CD1C: variants seen among roughly 807,000 people sequenced by gnomAD.
The protein encoded by CD1C is CD1c molecule.
In CD1C, 47 loss-of-function variants were observed where a neutral mutation model predicts 39.4. That is an observed-to-expected ratio of 1.19 (90% confidence interval 0.94 to 1.52). The LOEUF (loss-of-function observed/expected upper bound fraction) is 1.52. Ranked by LOEUF, CD1C falls within the 40% of genes most tolerant of loss-of-function variation. The pLI is 0.00. For missense variants in CD1C, 417 were observed against 395.2 expected, an observed-to-expected ratio of 1.06 and a Z score of -0.47; for synonymous variants, 165 against 150.8, an observed-to-expected ratio of 1.09 and a Z score of -0.69.
rs755422244 is a variant in CD1C, at chr1:158,293,542, G to C, written c.*66G>C. ...CAACCCAGGAGCCTAGTACAATATAGTGATGCCATCCCGTCGACTCTCCAT... is the reference window on the plus strand; with the variant it reads ...CAACCCAGGAGCCTAGTACAATATACTGATGCCATCCCGTCGACTCTCCAT... On this transcript the variant is annotated 3_prime_UTR_variant, in exon 6 of 6. Coordinates refer to ENST00000368170, the MANE Select transcript of CD1C (RefSeq NM_001765.3). The C allele has an allele frequency of 6.2e-7, 1 of 1,613,874 alleles. No homozygotes were observed. Among genetic ancestry groups the C allele is most frequent in the Admixed American group, 1.7e-5 (1 of 59,992 alleles).
In CD1C at chr1:158,292,588, C is replaced by T. The variant is rs140255811; in HGVS notation, c.611-8C>T. 1 of 1,610,820 alleles carries T rather than the reference C, an allele frequency of 6.2e-7. No homozygotes were observed. Among genetic ancestry groups the T allele is most frequent in the East Asian group, 2.2e-5 (1 of 44,878 alleles). Reference sequence around the variant, plus strand: ...TCTTCATCAGAACACTTTTTCTGCTCTCTGCAGTGAGGCCAGAAGCCTGGC... The same window carrying T: ...TCTTCATCAGAACACTTTTTCTGCTTTCTGCAGTGAGGCCAGAAGCCTGGC... On this transcript the variant is annotated splice_region_variant and splice_polypyrimidine_tract_variant and intron_variant, in intron 3 of 5. Coordinates refer to ENST00000368170, the MANE Select transcript of CD1C (RefSeq NM_001765.3).
In CD1C at chr1:158,294,092, C is replaced by T. The variant is rs1361104097; in HGVS notation, c.*616C>T. ...AAGTGCAGCCTTGTGCCTTGATACA[C>T]TTATTTTCTAAACACAGAGAATTAC... On this transcript the variant is annotated 3_prime_UTR_variant, in exon 6 of 6. Coordinates refer to ENST00000368170, the MANE Select transcript of CD1C (RefSeq NM_001765.3). Among the ~76,000 whole-genome samples, 1 of 152,200 alleles carries T rather than the reference C, an allele frequency of 6.6e-6. No individual in the cohort carries two copies. Among genetic ancestry groups the T allele is most frequent in the Admixed American group, 6.5e-5 (1 of 15,282 alleles).
chr1:158,292,678 C>T lies in CD1C; in HGVS notation c.693C>T (p.Tyr231=), dbSNP rs147876610. 1.6e-5 allele frequency: 26 copies of T among 1,613,982 alleles called. No individual in the cohort carries two copies. The highest frequency in any genetic ancestry group is 2.2e-5 in the South Asian group (2 of 91,068). The stretch of plus-strand genomic sequence containing the variant: ...TGGTTTGTCATGCCTCCGGCTTCTA[C>T]CCAAAGCCTGTTTGGGTGACATGGA... ...LLLVCHASGF[Y]PKPVWVTWMR... is the part of the protein sequence containing the mutation. The change falls in exon 4 of 6, where the codon TAC becomes TAT. Residue 231 remains tyrosine (Y), a synonymous_variant. Transcript: ENST00000368170.
rs1651120652 is a variant in CD1C at position 158,293,320 on chromosome 1, C to T, written c.980+18C>T. ...AAGCACTGGTGAGTTTTTTGTATTTCCTCCTCTCCTCCCAGTTTCTTATTT... is the reference window on the plus strand; with the variant it reads ...AAGCACTGGTGAGTTTTTTGTATTTTCTCCTCTCCTCCCAGTTTCTTATTT... On this transcript the variant is annotated intron_variant, in intron 5 of 5. Transcript: ENST00000368170. The T allele has an allele frequency of 1.3e-6, 2 of 1,595,416 alleles. No individual in the cohort carries two copies. The highest frequency in any genetic ancestry group is 3.4e-5 in the Admixed American group (2 of 59,262).
In CD1C at chr1:158,294,461, T is replaced by C. The variant is rs1470962914; in HGVS notation, c.*985T>C. Among the ~76,000 whole-genome samples the C allele has an allele frequency of 1.3e-5, 2 of 152,232 alleles. No homozygotes were observed. The highest frequency in any genetic ancestry group is 1.5e-5 in the Non-Finnish European group (1 of 68,032). On this transcript the variant is annotated 3_prime_UTR_variant, in exon 6 of 6. Coordinates refer to ENST00000368170, the MANE Select transcript of CD1C (RefSeq NM_001765.3). ...TTGCAATGTTTGCTTCCTCAATCTG[T>C]CCATGTTTCTTTTCTATTGTTTTCA...
chr1:158,291,445 A>G, intron 2 of CD1C, 45 bp downstream of exon 2: 1 of 1,588,212 alleles, frequency 6.3e-7, no homozygotes, highest in African/African-American at 1.3e-5. Context: ...AGAATGTTCT[A>G]TTTCAGGGAA....
At position 158,294,587 on chromosome 1, in the gene CD1C, TTATA is replaced by T. The variant is rs1651165981; in HGVS notation, c.*1114_*1117del. Among the ~76,000 whole-genome samples the T allele has an allele frequency of 6.6e-6, 1 of 152,216 alleles. No individual in the cohort carries two copies. On this transcript the variant is annotated 3_prime_UTR_variant, in exon 6 of 6. Transcript: ENST00000368170. ...TGTACAGTTCTATTTATTTTGATAA[TTATA>T]TAAGCCCATGTAAACAAAATCACAA...
In CD1C at chr1:158,294,488, G is replaced by C. The variant is rs929054060; in HGVS notation, c.*1012G>C. 1.1e-3 allele frequency among the ~76,000 whole-genome samples: 168 copies of C among 152,168 alleles called. 1 individual carries two copies. The highest frequency in any genetic ancestry group is 3.9e-3 in the African/African-American group (163 of 41,536). On this transcript the variant is annotated 3_prime_UTR_variant, in exon 6 of 6. Coordinates refer to ENST00000368170, the MANE Select transcript of CD1C (RefSeq NM_001765.3). ...CATGTTTCTTTTCTATTGTTTTCATGTTTTTATTTATTTCAAAAAATTTTA... is the reference window on the plus strand; with the variant it reads ...CATGTTTCTTTTCTATTGTTTTCATCTTTTTATTTATTTCAAAAAATTTTA...
chr1:158,290,217 C>T, intron 1 of CD1C, 92 bp downstream of exon 1: 1 of 1,160,184 alleles, frequency 8.6e-7, no homozygotes, highest in Non-Finnish European at 1.3e-6. Context: ...TGCCAGAATG[C>T]TTGCCATCTG....
intron 1 of CD1C, among the ~76,000 whole-genome samples, chr1:158,290,690 T>G (rs886766527): frequency 3.3e-5 from 5 of 152,216 alleles, no homozygotes; most frequent in African/African-American, 1.2e-4. Context: ...GAAGTCAGAA[T>G]ATAGATGTAG....
At position 158,289,978 on chromosome 1, in the gene CD1C, T is replaced by G; in HGVS notation, c.-87T>G. On this transcript the variant is annotated 5_prime_UTR_variant, in exon 1 of 6. Transcript: ENST00000368170. Reference sequence around the variant, plus strand: ...GGGGAAGATTGTTGGTAGAAGGAAGTCAGAATATAGGTACAGAGGGATAAG... The same window carrying G: ...GGGGAAGATTGTTGGTAGAAGGAAGGCAGAATATAGGTACAGAGGGATAAG... 8.2e-7 allele frequency: 1 copy of G among 1,213,110 alleles called. No individual in the cohort carries two copies. The highest frequency in any genetic ancestry group is 1.8e-5 in the Admixed American group (1 of 55,416). The allele number at this position is 1,213,110 out of a possible 1,614,324, so 75.1% of individuals were successfully genotyped here.
In CD1C at chr1:158,292,881, CTG is replaced by C. The variant is rs1355769973; in HGVS notation, c.889+8_889+9del. On this transcript the variant is annotated splice_region_variant and intron_variant, in intron 4 of 5. Coordinates refer to ENST00000368170, the MANE Select transcript of CD1C (RefSeq NM_001765.3). ...GACATCATCCTCTACTGGGGTAAGA[CTG>C]GAGGTTGGAAGTGTAGGTAGGTGGT... 3.1e-6 allele frequency: 5 copies of C among 1,613,020 alleles called. No homozygotes were observed. The Admixed American group carries it at 8.3e-5, about 27-fold the overall frequency.
chr1:158,293,647 T>G lies in CD1C; in HGVS notation c.*171T>G. The G allele has an allele frequency of 6.6e-7, 1 of 1,506,208 alleles. No homozygotes were observed. 93.3% of individuals were successfully genotyped at this position (1,506,208 alleles called of 1,614,324 possible). A position where few individuals can be genotyped will look rare whatever the true frequency, so the allele number is the denominator to read the frequency against. On this transcript the variant is annotated 3_prime_UTR_variant, in exon 6 of 6. Coordinates refer to ENST00000368170, the MANE Select transcript of CD1C (RefSeq NM_001765.3). Reference sequence around the variant, plus strand: ...AATTTGGAATGTTTTTCTTGGAATCTCCACTTTTTATATAGCACTCAACCT... The same window carrying G: ...AATTTGGAATGTTTTTCTTGGAATCGCCACTTTTTATATAGCACTCAACCT...
rs768148459 is a variant in CD1C at position 158,292,771 on chromosome 1, G to C, written c.786G>C (p.Trp262Cys). 4 of 1,614,184 alleles carry C rather than the reference G, an allele frequency of 2.5e-6. No homozygotes were observed. In the South Asian group the frequency reaches 4.4e-5, roughly 18 times the overall value. ...GDILPNADGT[W>C]YLQVILEVAS... ...TTCTTCCTAATGCTGATGGGACATG[G>C]TATCTTCAGGTGATCCTGGAGGTGG... The change falls in exon 4 of 6, where the codon TGG (tryptophan) becomes TGC (cysteine). Residue 262 changes from tryptophan to cysteine, a missense_variant. Trp to Cys is a radical substitution (Grantham distance 215). Transcript: ENST00000368170.
At chr1:158,290,584 GA>G (rs1650998177) in intron 1 of CD1C, among the ~76,000 whole-genome samples, 1 of 152,140 alleles carries the variant, frequency 6.6e-6, no homozygotes, top group Non-Finnish European at 1.5e-5. Flanking sequence ...AGCAGATGGG[GA>G]AATGAGAGAT....
rs966441052 is a variant in CD1C at position 158,293,716 on chromosome 1, G to C, written c.*240G>C. The C allele has an allele frequency of 3.3e-6, 3 of 901,018 alleles. No homozygotes were observed. Among genetic ancestry groups the C allele is most frequent in the Non-Finnish European group, 3.4e-6 (2 of 588,772 alleles). The allele number at this position is 901,018 out of a possible 1,614,324, so 55.8% of individuals were successfully genotyped here. A position where few individuals can be genotyped will look rare whatever the true frequency, so the allele number is the denominator to read the frequency against. ...GTCATTTCCTCCAACGATCTTCCTT[G>C]ACCCATACTGAACCCAGAGAGCCCC... On this transcript the variant is annotated 3_prime_UTR_variant, in exon 6 of 6. Coordinates refer to ENST00000368170, the MANE Select transcript of CD1C (RefSeq NM_001765.3).
chr1:158,293,497 C>A lies in CD1C; in HGVS notation c.*21C>A, dbSNP rs997465274. The A allele has an allele frequency of 1.9e-6, 3 of 1,614,118 alleles. No homozygotes were observed. The highest frequency in any genetic ancestry group is 2.5e-6 in the Non-Finnish European group (3 of 1,179,998). On this transcript the variant is annotated 3_prime_UTR_variant, in exon 6 of 6. Transcript: ENST00000368170. ...TGTGAGACTCTTCCCCCTGACTCCCCCATTGTGTTAAGAACCCAGCAACCC... is the reference window on the plus strand; with the variant it reads ...TGTGAGACTCTTCCCCCTGACTCCCACATTGTGTTAAGAACCCAGCAACCC...
At chr1:158,292,465 AG>A (rs1172363934) in intron 3 of CD1C, 100 bp downstream of exon 3, 1 of 1,491,808 alleles carries the variant, frequency 6.7e-7, no homozygotes, top group South Asian at 1.3e-5. Context: ...GACAAGAAGC[AG>A]GGGGGTTGCT....
At chr1:158,291,610 T>C (rs1188218353) in intron 2 of CD1C, among the ~76,000 whole-genome samples, 1 of 152,202 alleles carries the variant, frequency 6.6e-6, no homozygotes, top group Non-Finnish European at 1.5e-5. Context: ...TGCTTTGTTA[T>C]CTTCCACCTG....
Sources: gnomAD v4.1 joint callset for allele counts (sites outside exome capture counted in the v4.1 genomes callset) on GRCh38, gnomAD v4.1.1 for gene constraint, MANE v1.5 for transcripts, NCBI Gene and HGNC (gene_info 2026-07-23, HGNC 2026-07-21) for gene names.